Variants in ARSB observed in about 807,000 individuals in gnomAD.
ARSB encodes the protein arylsulfatase B.
Under a neutral mutation model 50.9 loss-of-function variants are expected in ARSB, and 41 were observed. The observed-to-expected ratio is 0.81, with a 90% CI of 0.63 to 1.04. The LOEUF (loss-of-function observed/expected upper bound fraction) is 1.04. Ranked by LOEUF, ARSB falls within the 50% of genes least tolerant of loss-of-function variation. The pLI is 0.00. For synonymous variants in ARSB, 269 were observed against 284.8 expected, an observed-to-expected ratio of 0.94 and a Z score of 0.56; for missense variants, 672 against 693.3, an observed-to-expected ratio of 0.97 and a Z score of 0.35.
intron 5 of ARSB, among the ~76,000 whole-genome samples, chr5:78,867,332 T>C (rs1437002170): frequency 1.3e-5 from 2 of 151,796 alleles, no homozygotes. Context: ...CAAGGAGGCC[T>C]GCCTGCCTCT....
At chr5:78,909,904 T>G (rs992116814) in intron 4 of ARSB, among the ~76,000 whole-genome samples, 1 of 152,196 alleles carries the variant, frequency 6.6e-6, no homozygotes, top group Non-Finnish European at 1.5e-5. Flanking sequence ...AAAACCCGAT[T>G]GTACATTTGT....
chr5:78,936,869 G>C (rs1057356175), intron 4 of ARSB, among the ~76,000 whole-genome samples: 2 of 152,168 alleles, frequency 1.3e-5, no homozygotes, highest in African/African-American at 4.8e-5. Context: ...TATTTGGCTA[G>C]ACGACTGTAG....
At chr5:78,977,246 C>A (rs529177723) in intron 1 of ARSB, among the ~76,000 whole-genome samples, 1 of 151,646 alleles carries the variant, frequency 6.6e-6, no homozygotes, top group Non-Finnish European at 1.5e-5. Context: ...CTCCGTCTCC[C>A]GGGTTCAAGC....
At chr5:78,955,256 G>T in intron 4 of ARSB, 39 bp downstream of exon 4, 1 of 1,601,316 alleles carries the variant, frequency 6.2e-7, no homozygotes, top group Non-Finnish European at 8.6e-7. Context: ...CCATGTCCTA[G>T]GCTTTGCCAA....
intron 5 of ARSB, among the ~76,000 whole-genome samples, chr5:78,864,642 G>C (rs1163665965): frequency 6.6e-6 from 1 of 152,102 alleles, no homozygotes; most frequent in Non-Finnish European, 1.5e-5. Context: ...GTCTTAACTT[G>C]TTTCAGCATT....
intron 4 of ARSB, among the ~76,000 whole-genome samples, chr5:78,941,960 G>T (rs1261837364): frequency 1.3e-5 from 2 of 152,110 alleles, no homozygotes; most frequent in East Asian, 1.9e-4. Context: ...CAATTTCAGA[G>T]CCTGTTATTG....
chr5:78,923,991 C>T (rs1456378890), intron 4 of ARSB, among the ~76,000 whole-genome samples: 1 of 152,182 alleles, frequency 6.6e-6, no homozygotes, highest in Admixed American at 6.5e-5. Context: ...GTCCACATAG[C>T]ATGGCTGAAT....
At chr5:78,820,923 G>C (rs1041884096) in intron 6 of ARSB, among the ~76,000 whole-genome samples, 7 of 143,066 alleles carry the variant, frequency 4.9e-5, no homozygotes, top group Non-Finnish European at 1.1e-4. Flanking sequence ...ATCATTGACA[G>C]AAAAAAGTAT....
chr5:78,957,257 T>C (rs1751770572), intron 3 of ARSB, among the ~76,000 whole-genome samples: 1 of 152,208 alleles, frequency 6.6e-6, no homozygotes, highest in Non-Finnish European at 1.5e-5. Context: ...CATAAATGAA[T>C]GAAAATGGTT....
At chr5:78,984,564 T>C (rs377754038) in intron 1 of ARSB, among the ~76,000 whole-genome samples, 87 of 152,304 alleles carry the variant, frequency 5.7e-4, no homozygotes, top group African/African-American at 2.0e-3. Flanking sequence ...CCCCTCGTCT[T>C]TGCTCCCAGC....
At chr5:78,793,208 T>C (rs1743038044) in intron 6 of ARSB, among the ~76,000 whole-genome samples, 1 of 152,210 alleles carries the variant, frequency 6.6e-6, no homozygotes, top group Non-Finnish European at 1.5e-5. Flanking sequence ...ACACAGGACT[T>C]CCTGCCTCAC....
At chr5:78,951,435 T>C (rs1041512051) in intron 4 of ARSB, among the ~76,000 whole-genome samples, 1 of 152,014 alleles carries the variant, frequency 6.6e-6, no homozygotes, top group Non-Finnish European at 1.5e-5. Context: ...GTTGGAGATA[T>C]TAAGGTGTAG....
chr5:78,978,141 C>G (rs754989502), intron 1 of ARSB, among the ~76,000 whole-genome samples: 3 of 152,110 alleles, frequency 2.0e-5, no homozygotes, highest in African/African-American at 7.2e-5. Flanking sequence ...GAGTTCAAGA[C>G]CAGCCTGGCC....
intron 6 of ARSB, among the ~76,000 whole-genome samples, chr5:78,816,690 T>G (rs1347038808): frequency 1.3e-5 from 2 of 152,322 alleles, no homozygotes; most frequent in East Asian, 3.9e-4. Flanking sequence ...AGTTGAGAGA[T>G]TCTAATTGTG....
chr5:78,887,361 A>G (rs1270486854), intron 4 of ARSB, among the ~76,000 whole-genome samples: 1 of 152,092 alleles, frequency 6.6e-6, no homozygotes, highest in African/African-American at 2.4e-5. Flanking sequence ...TTCCCTTGAG[A>G]TTGAGAACTC....
At chr5:78,816,851 T>C (rs1384345989) in intron 6 of ARSB, among the ~76,000 whole-genome samples, 3 of 152,150 alleles carry the variant, frequency 2.0e-5, no homozygotes, top group Non-Finnish European at 4.4e-5. Flanking sequence ...GCCAACAACC[T>C]GAGCAAGCTT....
At chr5:78,931,038 C>T (rs574991325) in intron 4 of ARSB, among the ~76,000 whole-genome samples, 1 of 152,346 alleles carries the variant, frequency 6.6e-6, no homozygotes, top group East Asian at 1.9e-4. Context: ...AACCCCAAAG[C>T]GGAGAGGAAT....
intron 5 of ARSB, among the ~76,000 whole-genome samples, chr5:78,850,570 T>C (rs1401379892): frequency 1.3e-5 from 2 of 152,204 alleles, no homozygotes; most frequent in Non-Finnish European, 2.9e-5. Flanking sequence ...GATGCTGGAC[T>C]CATAAAATGA....
chr5:78,871,910 C>T (rs1747205515), intron 5 of ARSB, among the ~76,000 whole-genome samples: 1 of 148,732 alleles, frequency 6.7e-6, no homozygotes. Flanking sequence ...TTTTCGCAAC[C>T]TACTCATCTG....
Sources: allele counts gnomAD v4.1 joint callset (sites outside exome capture counted in the v4.1 genomes callset), GRCh38; gene constraint gnomAD v4.1.1; transcripts MANE v1.5; gene names NCBI Gene and HGNC (gene_info 2026-07-23, HGNC 2026-07-21).